Variants in NAV2 observed in about 807,000 individuals in gnomAD.
NAV2 encodes the protein neuron navigator 2.
A neutral mutation model predicts 223.2 loss-of-function variants in NAV2; 54 were observed. The ratio of observed to expected loss-of-function variants is 0.24; its 90% CI spans 0.19 to 0.30. NAV2 has a LOEUF of 0.30. Ranked by LOEUF, NAV2 falls within the 10% of genes least tolerant of loss-of-function variation. The pLI is 1.00. For synonymous variants in NAV2, 1,279 were observed against 1,239.3 expected (o/e 1.03, Z -0.67); for missense variants, 2,806 against 3,147.5 (o/e 0.89, Z 2.60).
At chr11:19,387,594 G>A (rs1849091788) in intron 1 of NAV2, among the ~76,000 whole-genome samples, 1 of 152,112 alleles carries the variant, frequency 6.6e-6, no homozygotes. Context: ...TTGAGTAGTT[G>A]GTGGGTATTG....
At chr11:19,657,890 G>C (rs932335067) in intron 1 of NAV2, among the ~76,000 whole-genome samples, 5 of 152,052 alleles carry the variant, frequency 3.3e-5, no homozygotes, top group Admixed American at 2.6e-4. Flanking sequence ...CAGAGGTATG[G>C]GGAGATAAAG....
intron 1 of NAV2, among the ~76,000 whole-genome samples, chr11:19,463,866 G>A (rs576705345): frequency 6.6e-6 from 1 of 152,222 alleles, no homozygotes; most frequent in South Asian, 2.1e-4. Context: ...GAAGGGCTGG[G>A]CTGGGGGTCC....
In NAV2 at chr11:20,045,263, G is replaced by T. The variant is rs748865323; in HGVS notation, c.3495G>T (p.Arg1165=). The change falls in exon 14 of 38, where the codon CGG becomes CGT. Residue 1165 remains arginine, a synonymous_variant. Transcript: ENST00000349880. The part of the protein sequence containing the change: ...SSALVSRSAG[R]KSSMDGAQNQ... ...CACTCGTCAGTCGGTCTGCTGGTCG[G>T]AAGTCAAGTATGGATGGGGCTCAGA... is the stretch of plus-strand genomic sequence containing the variant. 2.5e-6 allele frequency: 4 copies of T among 1,614,188 alleles called. No individual in the cohort carries two copies. The South Asian group carries it at 4.4e-5, about 18-fold the overall frequency.
At chr11:19,351,620 C>T (rs1019637555) in intron 1 of NAV2, among the ~76,000 whole-genome samples, 8 of 152,104 alleles carry the variant, frequency 5.3e-5, no homozygotes, top group Admixed American at 2.6e-4. Flanking sequence ...AAAAGGCAGA[C>T]GCGTTGTGGA....
intron 1 of NAV2, among the ~76,000 whole-genome samples, chr11:19,467,012 CACACACAGAG>C (rs1378867299): frequency 1.6e-4 from 21 of 134,372 alleles, no homozygotes; most frequent in Non-Finnish European, 2.4e-4. Flanking sequence ...CACACACACA[CACACACAGAG>C]AGAGAGAGAG....
At chr11:19,710,550 C>A (rs879671303), upstream of NAV2, among the ~76,000 whole-genome samples, 9 of 152,236 alleles carry the variant, frequency 5.9e-5, no homozygotes, top group Non-Finnish European at 8.8e-5. Flanking sequence ...ATCCCCAGGG[C>A]TTTTGATTCA....
chr11:19,520,806 G>A (rs1308782018), intron 1 of NAV2, among the ~76,000 whole-genome samples: 2 of 152,202 alleles, frequency 1.3e-5, no homozygotes, highest in Admixed American at 6.5e-5. Context: ...GTGCTCTGCT[G>A]GTCTCAGTCC....
At chr11:19,729,338 G>A (rs1390390551) in intron 1 of NAV2, among the ~76,000 whole-genome samples, 2 of 151,070 alleles carry the variant, frequency 1.3e-5, no homozygotes, top group African/African-American at 4.9e-5. Flanking sequence ...ACGGTGGAGA[G>A]CTCTGGTGGA....
At chr11:19,756,431 T>TA (rs1477841522) in intron 1 of NAV2, among the ~76,000 whole-genome samples, 2 of 152,174 alleles carry the variant, frequency 1.3e-5, no homozygotes, top group Admixed American at 1.3e-4. Context: ...ATGAAGAGTC[T>TA]AGAAGGTATT....
intron 1 of NAV2, among the ~76,000 whole-genome samples, chr11:19,819,357 G>C (rs550832377): frequency 6.6e-6 from 1 of 152,314 alleles, no homozygotes; most frequent in African/African-American, 2.4e-5. Context: ...GCATTTCCTA[G>C]GTGGTGGGGG....
intron 11 of NAV2, among the ~76,000 whole-genome samples, chr11:19,985,168 C>T (rs1479162475): frequency 6.6e-6 from 1 of 152,162 alleles, no homozygotes; most frequent in Non-Finnish European, 1.5e-5. Flanking sequence ...CCTGCTGTTC[C>T]CAGGGCATGC....
At chr11:19,874,326 G>A (rs2062714113) in intron 4 of NAV2, among the ~76,000 whole-genome samples, 1 of 152,158 alleles carries the variant, frequency 6.6e-6, no homozygotes, top group Non-Finnish European at 1.5e-5. Flanking sequence ...CTTTTCTGTT[G>A]CCACAAGAGT....
intron 4 of NAV2, 73 bp from the exon 5 acceptor site, chr11:19,879,796 T>A: frequency 6.4e-7 from 1 of 1,568,610 alleles, no homozygotes; most frequent in Non-Finnish European, 8.7e-7. Flanking sequence ...CAAACTCACG[T>A]GCCGACTGAA....
intron 4 of NAV2, among the ~76,000 whole-genome samples, chr11:19,878,709 G>T (rs1169814975): frequency 1.3e-5 from 2 of 152,142 alleles, no homozygotes; most frequent in Non-Finnish European, 2.9e-5. Flanking sequence ...ATCACACTGG[G>T]GGGAAGGCAC....
At chr11:19,598,342 A>G (rs543636047) in intron 1 of NAV2, among the ~76,000 whole-genome samples, 1 of 152,356 alleles carries the variant, frequency 6.6e-6, no homozygotes, top group African/African-American at 2.4e-5. Context: ...GAAACTGTAC[A>G]CAGGTAAGAC....
chr11:19,436,790 A>G (rs574617075), intron 1 of NAV2, among the ~76,000 whole-genome samples: 38 of 152,184 alleles, frequency 2.5e-4, no homozygotes, highest in African/African-American at 9.1e-4. Context: ...TATGCTTTTC[A>G]GTATACAGAG....
At position 19,582,271 on chromosome 11, in the gene NAV2, G is replaced by T. The variant is rs558713786; in HGVS notation, c.75+231244G>T. On this transcript the variant is annotated intron_variant, in intron 1 of 37. Coordinates refer to the NAV2 transcript ENST00000360655. ...TTGTAGATTCTGGATATTAGCCCTT[G>T]GTCAGATGAGTAGATCGCAACAATT... 8.0e-4 allele frequency among the ~76,000 whole-genome samples: 121 copies of T among 152,186 alleles called. 1 individual carries two copies. Among genetic ancestry groups the T allele is most frequent in the Non-Finnish European group, 1.6e-3 (111 of 67,986 alleles).
At chr11:20,029,595 G>A (rs1196076926) in intron 11 of NAV2, among the ~76,000 whole-genome samples, 4 of 152,190 alleles carry the variant, frequency 2.6e-5, no homozygotes, top group Non-Finnish European at 5.9e-5. Context: ...CTATGGTCAA[G>A]GCAGGGAAAA....
chr11:19,904,563 G>T (rs1339986842), intron 6 of NAV2, among the ~76,000 whole-genome samples: 1 of 152,164 alleles, frequency 6.6e-6, no homozygotes, highest in East Asian at 1.9e-4. Context: ...CCACACAATG[G>T]TTGGAAATAA....
Sources: allele counts gnomAD v4.1 joint callset (sites outside exome capture counted in the v4.1 genomes callset), GRCh38; gene constraint gnomAD v4.1.1; transcripts MANE v1.5; gene names NCBI Gene and HGNC (gene_info 2026-07-23, HGNC 2026-07-21).